SUCLG2: variants seen among roughly 807,000 people sequenced by gnomAD.
SUCLG2 encodes the protein succinate-CoA ligase GDP-forming subunit beta.
In SUCLG2, 42 loss-of-function variants were observed where a neutral mutation model predicts 47.9. The observed-to-expected ratio is 0.88, with a 90% CI of 0.69 to 1.14. The LOEUF is 1.14. SUCLG2 is among the 50% of genes most tolerant of loss of function. The pLI, the probability that SUCLG2 is intolerant of heterozygous loss-of-function variation, is 0.00. For missense variants in SUCLG2, 571 were observed against 525.9 expected (o/e 1.09, Z -0.84); for synonymous variants, 195 against 197.3 (o/e 0.99, Z 0.10).
At chr3:67,451,312 A>G (rs541907512) in intron 9 of SUCLG2, among the ~76,000 whole-genome samples, 1 of 152,390 alleles carries the variant, frequency 6.6e-6, no homozygotes, top group South Asian at 2.1e-4. Context: ...TTTAAGAATT[A>G]AATAAATGAA....
At chr3:67,376,098 A>G in intron 10 of SUCLG2, 1 of 985,496 alleles carries the variant, frequency 1.0e-6, no homozygotes, top group Non-Finnish European at 1.2e-6. Flanking sequence ...AACATATTTT[A>G]CTGATGGAAG....
intron 10 of SUCLG2, among the ~76,000 whole-genome samples, chr3:67,385,705 T>A (rs569957496): frequency 6.6e-6 from 1 of 152,380 alleles, no homozygotes; most frequent in African/African-American, 2.4e-5. Context: ...GGAAGCTCAC[T>A]GGTGGTCACA....
At chr3:67,478,860 A>C (rs547121594) in intron 9 of SUCLG2, among the ~76,000 whole-genome samples, 2 of 152,288 alleles carry the variant, frequency 1.3e-5, no homozygotes, top group East Asian at 3.9e-4. Flanking sequence ...AAAGGCACTA[A>C]AATGTATGGG....
intron 10 of SUCLG2, among the ~76,000 whole-genome samples, chr3:67,381,090 C>A (rs1702148179): frequency 6.6e-6 from 1 of 151,984 alleles, no homozygotes; most frequent in African/African-American, 2.4e-5. Context: ...GGTCAGAGGA[C>A]CGCTTGAGCA....
chr3:67,567,357 G>GTAA (rs1349931768), intron 2 of SUCLG2, among the ~76,000 whole-genome samples: 2 of 151,146 alleles, frequency 1.3e-5, no homozygotes, highest in East Asian at 2.0e-4. Flanking sequence ...GTACAGTGAT[G>GTAA]TAATCATGGC....
rs1702007264 is a variant in SUCLG2 at position 67,374,921 on chromosome 3, G to A, written c.*823C>T. The A allele has an allele frequency of 1.0e-6, 1 of 985,392 alleles. No homozygotes were observed. The highest frequency in any genetic ancestry group is 4.7e-5 in the South Asian group (1 of 21,276). The allele number at this position is 985,392 out of a possible 1,614,324, so 61.0% of individuals were successfully genotyped here. On this transcript the variant is annotated 3_prime_UTR_variant, in exon 11 of 11. Coordinates refer to ENST00000307227, the MANE Select transcript of SUCLG2 (RefSeq NM_003848.4). Reference sequence around the variant, plus strand: ...GAGGAGTAAGAGAGAAACGAGGAGAGAAGATAGTGATACTAAACACAATTT... The same window carrying A: ...GAGGAGTAAGAGAGAAACGAGGAGAAAAGATAGTGATACTAAACACAATTT...
intron 1 of SUCLG2, among the ~76,000 whole-genome samples, chr3:67,636,399 C>T (rs921295347): frequency 4.7e-5 from 7 of 150,256 alleles, no homozygotes. Context: ...GTCACCCAGA[C>T]TGGAGTGCAG....
At chr3:67,619,746 A>G (rs1012869656) in intron 1 of SUCLG2, among the ~76,000 whole-genome samples, 5 of 152,232 alleles carry the variant, frequency 3.3e-5, no homozygotes, top group Non-Finnish European at 7.3e-5. Flanking sequence ...CAAATGCCCA[A>G]AGGAGAGTTT....
intron 10 of SUCLG2, 27 bp downstream of exon 10, chr3:67,400,704 G>C: frequency 6.2e-7 from 1 of 1,607,612 alleles, no homozygotes; most frequent in Non-Finnish European, 8.5e-7. Flanking sequence ...AGGGGTGCTG[G>C]CACAGCGGAA....
chr3:67,370,021 A>G (rs1701931560), downstream of SUCLG2, among the ~76,000 whole-genome samples: 1 of 152,190 alleles, frequency 6.6e-6, no homozygotes, highest in Non-Finnish European at 1.5e-5. Flanking sequence ...CTAGATTTTT[A>G]TAAAAAATAA....
At chr3:67,553,039 T>G (rs1707059633) in intron 2 of SUCLG2, among the ~76,000 whole-genome samples, 1 of 152,176 alleles carries the variant, frequency 6.6e-6, no homozygotes, top group Admixed American at 6.5e-5. Flanking sequence ...ACACCAGAAT[T>G]CAACAGACAG....
chr3:67,563,011 G>A (rs1707349469), intron 2 of SUCLG2, among the ~76,000 whole-genome samples: 1 of 150,848 alleles, frequency 6.6e-6, no homozygotes, highest in Non-Finnish European at 1.5e-5. Context: ...GTAATTATAT[G>A]TTTGATATAG....
intron 1 of SUCLG2, among the ~76,000 whole-genome samples, chr3:67,647,691 G>C (rs762536641): frequency 1.4e-4 from 21 of 152,178 alleles, no homozygotes; most frequent in Non-Finnish European, 2.8e-4. Context: ...TAATAACCAG[G>C]ATGGTACAAT....
chr3:67,503,496 G>C (rs1705556210), intron 7 of SUCLG2, among the ~76,000 whole-genome samples: 1 of 152,064 alleles, frequency 6.6e-6, no homozygotes, highest in African/African-American at 2.4e-5. Flanking sequence ...TCAACAGCAG[G>C]GCGATAAAAT....
chr3:67,408,199 T>C (rs1702859169), intron 9 of SUCLG2, among the ~76,000 whole-genome samples: 1 of 152,162 alleles, frequency 6.6e-6, no homozygotes, highest in African/African-American at 2.4e-5. Context: ...TGAAATTATT[T>C]TCTTTTGTGT....
chr3:67,399,764 A>C (rs571772860), intron 10 of SUCLG2, among the ~76,000 whole-genome samples: 2 of 152,354 alleles, frequency 1.3e-5, no homozygotes, highest in Admixed American at 1.3e-4. Context: ...GTTTTAATGG[A>C]ATATGAAAAG....
At chr3:67,488,880 C>T (rs1259588331) in intron 9 of SUCLG2, among the ~76,000 whole-genome samples, 2 of 152,146 alleles carry the variant, frequency 1.3e-5, no homozygotes, top group Non-Finnish European at 2.9e-5. Flanking sequence ...GTAATCAATT[C>T]CGGAGCTTGC....
At chr3:67,468,038 TG>T (rs1378893896) in intron 9 of SUCLG2, among the ~76,000 whole-genome samples, 6 of 151,928 alleles carry the variant, frequency 3.9e-5, no homozygotes, top group Admixed American at 1.3e-4. Context: ...GGGGCAAAAG[TG>T]TGAAATAAAA....
intron 1 of SUCLG2, among the ~76,000 whole-genome samples, chr3:67,612,556 A>G (rs770233246): frequency 4.9e-4 from 75 of 152,356 alleles, no homozygotes; most frequent in Admixed American, 2.0e-3. Flanking sequence ...CTTATGAGCT[A>G]GGCATTATAT....
Sources: gnomAD v4.1 joint callset for allele counts (sites outside exome capture counted in the v4.1 genomes callset) on GRCh38, gnomAD v4.1.1 for gene constraint, MANE v1.5 for transcripts, NCBI Gene and HGNC (gene_info 2026-07-23, HGNC 2026-07-21) for gene names.